RYR3: variants seen among roughly 807,000 people sequenced by gnomAD.
RYR3 encodes ryanodine receptor 3.
Under a neutral mutation model 584.3 loss-of-function variants are expected in RYR3, and 207 were observed. That is an observed-to-expected ratio of 0.35 (90% CI 0.32 to 0.40). The LOEUF is 0.40. RYR3 is among the 10% of genes least tolerant of loss of function. The pLI, the probability that RYR3 is intolerant of heterozygous loss-of-function variation, is 1.00. For synonymous variants in RYR3, 2,416 were observed against 2,248.5 expected (o/e 1.07, Z -2.11); for missense variants, 5,616 against 6,089.2 (o/e 0.92, Z 2.59).
chr15:33,676,551 G>A (rs2064190082), intron 38 of RYR3, among the ~76,000 whole-genome samples: 1 of 152,222 alleles, frequency 6.6e-6, no homozygotes, highest in Non-Finnish European at 1.5e-5. Flanking sequence ...ATAGTCGCCT[G>A]AGAGATGGTC....
chr15:33,668,942 A>G (rs2063650948), intron 36 of RYR3, among the ~76,000 whole-genome samples: 1 of 152,214 alleles, frequency 6.6e-6, no homozygotes, highest in Non-Finnish European at 1.5e-5. Flanking sequence ...TATAATTACA[A>G]TGCACCTATT....
intron 1 of RYR3, among the ~76,000 whole-genome samples, chr15:33,437,851 G>A (rs765528765): frequency 3.9e-5 from 6 of 152,154 alleles, no homozygotes; most frequent in Non-Finnish European, 5.9e-5. Flanking sequence ...TCCCACCTCA[G>A]CTTCCCAAGT....
intron 28 of RYR3, 33 bp from the exon 29 acceptor site, chr15:33,646,318 G>C (rs2062099597): frequency 6.4e-7 from 1 of 1,556,296 alleles, no homozygotes; most frequent in Non-Finnish European, 8.7e-7. Context: ...AGGCCCTTTG[G>C]TATGTCAAGG....
chr15:33,537,378 G>T (rs1229176812), intron 5 of RYR3, among the ~76,000 whole-genome samples: 2 of 151,972 alleles, frequency 1.3e-5, no homozygotes, highest in East Asian at 3.8e-4. Context: ...TAGTTTGTTT[G>T]TTTGTTTTTT....
intron 27 of RYR3, among the ~76,000 whole-genome samples, chr15:33,638,772 G>A (rs551327898): frequency 5.3e-4 from 80 of 152,304 alleles, no homozygotes; most frequent in Middle Eastern, 3.4e-3. Flanking sequence ...TCAATGACAA[G>A]TGACTAATAC....
chr15:33,724,815 G>A (rs2068222700), intron 45 of RYR3, among the ~76,000 whole-genome samples: 1 of 152,058 alleles, frequency 6.6e-6, no homozygotes. Flanking sequence ...TCTTGATAAG[G>A]GAGGCTGATC....
chr15:33,400,338 T>C (rs530337372), intron 1 of RYR3, among the ~76,000 whole-genome samples: 2 of 152,270 alleles, frequency 1.3e-5, no homozygotes, highest in African/African-American at 4.8e-5. Context: ...CAACCCTACC[T>C]ACCACCAACG....
In RYR3 at chr15:33,785,884, T is replaced by G; in HGVS notation, c.9491T>G (p.Val3164Gly). The G allele has an allele frequency of 1.2e-6, 2 of 1,613,806 alleles. No homozygotes were observed. Among genetic ancestry groups the G allele is most frequent in the Non-Finnish European group, 1.7e-6 (2 of 1,179,826 alleles). The stretch of plus-strand genomic sequence containing the variant: ...AGCACAGGGCCATGCTGCACCAAGG[T>G]CACCTCTGAACACCTCAGTCTCATC... ...PPSTGPCCTK[V>G]TSEHLSLILG... is the part of the protein sequence containing the mutation. Residue 3164 changes from valine to glycine, a missense_variant, in exon 66 of 104, where the codon GTC (valine) becomes GGC (glycine). Physicochemically the swap from Val to Gly is moderately radical, Grantham distance 109. Around this residue, in one of 9 missense-constraint regions of RYR3, gnomAD observed 954 missense variants for 1,132.2 expected, o/e 0.84. Transcript: ENST00000634891.
chr15:33,610,672 C>T (rs190477142), intron 18 of RYR3, among the ~76,000 whole-genome samples: 9 of 152,266 alleles, frequency 5.9e-5, no homozygotes, highest in Admixed American at 5.2e-4. Flanking sequence ...ATCCCTTATT[C>T]GAAGTTCTTA....
At chr15:33,725,969 C>CT (rs2068384253) in intron 45 of RYR3, among the ~76,000 whole-genome samples, 3 of 30,698 alleles carry the variant, frequency 9.8e-5, no homozygotes, top group East Asian at 2.7e-3. Flanking sequence ...GACTCCATCC[C>CT]CCCCCCCAAA....
Position 33,649,246 on chromosome 15 carries a change from T to C in RYR3, c.4142+11T>C, listed in dbSNP as rs778353910. ...CCGGGTCCATGAAAGGTAAGGGGGCTCCCAAGTGGCAGGGTTAGCCATCGG... is the reference window on the plus strand; with the variant it reads ...CCGGGTCCATGAAAGGTAAGGGGGCCCCCAAGTGGCAGGGTTAGCCATCGG... On this transcript the variant is annotated intron_variant, in intron 31 of 103. Transcript: ENST00000634891. The C allele has an allele frequency of 9.3e-6, 15 of 1,607,396 alleles. No individual in the cohort carries two copies. In the Admixed American group the frequency reaches 1.5e-4, roughly 16 times the overall value.
intron 1 of RYR3, among the ~76,000 whole-genome samples, chr15:33,329,960 A>G (rs1003987517): frequency 6.6e-6 from 1 of 152,206 alleles, no homozygotes; most frequent in Non-Finnish European, 1.5e-5. Context: ...TCAAGAGGAC[A>G]GTATGAATGG....
intron 86 of RYR3, among the ~76,000 whole-genome samples, chr15:33,831,764 A>G (rs1445690343): frequency 2.0e-5 from 3 of 152,216 alleles, no homozygotes; most frequent in Non-Finnish European, 2.9e-5. Flanking sequence ...TAGTAGGCGT[A>G]TCATTACCGT....
intron 3 of RYR3, among the ~76,000 whole-genome samples, chr15:33,516,696 A>AT (rs1260704410): frequency 6.6e-6 from 1 of 151,850 alleles, no homozygotes; most frequent in Non-Finnish European, 1.5e-5. Flanking sequence ...GCCAAATCCA[A>AT]TTTTTTCTTA....
At chr15:33,325,312 C>T (rs1271560283) in intron 1 of RYR3, among the ~76,000 whole-genome samples, 1 of 152,220 alleles carries the variant, frequency 6.6e-6, no homozygotes, top group East Asian at 1.9e-4. Flanking sequence ...CAGCCCCCTC[C>T]ACTGGCATGT....
chr15:33,654,999 C>T (rs1165001541), intron 32 of RYR3, among the ~76,000 whole-genome samples: 1 of 152,210 alleles, frequency 6.6e-6, no homozygotes, highest in African/African-American at 2.4e-5. Flanking sequence ...CAAACCCTTC[C>T]TGGGGGCGGG....
intron 3 of RYR3, among the ~76,000 whole-genome samples, chr15:33,522,974 C>T (rs1567442047): frequency 6.6e-6 from 1 of 152,164 alleles, no homozygotes; most frequent in Non-Finnish European, 1.5e-5. Context: ...GAAAATGCCC[C>T]ATCAGTTCCT....
intron 96 of RYR3, 124 bp from the exon 97 acceptor site, chr15:33,854,265 G>C: frequency 1.4e-6 from 1 of 714,564 alleles, no homozygotes; most frequent in South Asian, 1.7e-5. Context: ...CATACAACTT[G>C]ATAAAGCTGA....
Position 33,848,313 on chromosome 15 carries a change from G to C in RYR3, c.13520G>C (p.Arg4507Thr), listed in dbSNP as rs1227107234. Residue 4507 changes from arginine to threonine, a missense_variant, in exon 94 of 104, where the codon AGG becomes ACG. Arg to Thr is a moderately conservative substitution (Grantham distance 71). This residue lies in a region of RYR3 where 918 missense variants were observed against 887.4 expected (regional missense o/e 1.03). Coordinates refer to ENST00000634891, the MANE Select transcript of RYR3 (RefSeq NM_001036.6). Reference sequence around the variant, plus strand: ...TAGGTGCCTTTGGTGGTTTTCAAAAGGGAAAAAGAAATCGCCAGGAAGCTG... The same window carrying C: ...TAGGTGCCTTTGGTGGTTTTCAAAACGGAAAAAGAAATCGCCAGGAAGCTG... ...CLKVPLVVFK[R>T]EKEIARKLEF... 6.2e-7 allele frequency: 1 copy of C among 1,613,764 alleles called. No individual in the cohort carries two copies. The highest frequency in any genetic ancestry group is 8.5e-7 in the Non-Finnish European group (1 of 1,179,878).
Sources: gnomAD v4.1 joint callset for allele counts (sites outside exome capture counted in the v4.1 genomes callset) on GRCh38, gnomAD v4.1.1 for gene constraint, gnomAD v4.1.1 regional missense constraint, MANE v1.5 for transcripts, NCBI Gene and HGNC (gene_info 2026-07-23, HGNC 2026-07-21) for gene names.